Variants in AGBL1 observed in about 807,000 individuals in gnomAD.
AGBL1 encodes AGBL carboxypeptidase 1.
Under a neutral mutation model 118.9 loss-of-function variants are expected in AGBL1, and 130 were observed. The ratio of observed to expected loss-of-function variants is 1.09; its 90% CI spans 0.95 to 1.26. The LOEUF is 1.26. Ranked by LOEUF, AGBL1 falls within the 50% of genes most tolerant of loss-of-function variation. The pLI is 0.00. For missense variants in AGBL1, 1,584 were observed against 1,298.1 expected (o/e 1.22, Z -3.38); for synonymous variants, 555 against 478.9 (o/e 1.16, Z -2.08).
intron 17 of AGBL1, among the ~76,000 whole-genome samples, chr15:86,385,953 C>G (rs1297949588): frequency 1.8e-5 from 1 of 54,938 alleles, no homozygotes; most frequent in East Asian, 1.9e-3. Flanking sequence ...TCTCCTCTCC[C>G]CCTCCCCCAT....
At chr15:86,198,751 T>C (rs2077856919) in intron 5 of AGBL1, among the ~76,000 whole-genome samples, 1 of 152,084 alleles carries the variant, frequency 6.6e-6, no homozygotes, top group African/African-American at 2.4e-5. Context: ...AAGTGCTGTC[T>C]GCAAGCCAAG....
At chr15:86,718,837 G>C (rs1319709395) in intron 22 of AGBL1, among the ~76,000 whole-genome samples, 1 of 152,060 alleles carries the variant, frequency 6.6e-6, no homozygotes, top group Non-Finnish European at 1.5e-5. Context: ...GTCTTTTTGG[G>C]GAACAAGAGA....
At chr15:86,502,344 G>T (rs566030844) in intron 18 of AGBL1, among the ~76,000 whole-genome samples, 1 of 151,486 alleles carries the variant, frequency 6.6e-6, no homozygotes, top group South Asian at 2.1e-4. Context: ...AGATTAATTA[G>T]GATTTTCTGT....
At chr15:86,626,919 C>A (rs2084897239) in intron 21 of AGBL1, among the ~76,000 whole-genome samples, 1 of 150,000 alleles carries the variant, frequency 6.7e-6, no homozygotes, top group African/African-American at 2.4e-5. Flanking sequence ...CTCACTGCAA[C>A]CTCTGCCTCC....
intron 4 of AGBL1, among the ~76,000 whole-genome samples, chr15:86,155,492 A>G (rs1192782068): frequency 2.0e-5 from 3 of 152,162 alleles, no homozygotes; most frequent in African/African-American, 7.2e-5. Flanking sequence ...ATTCATACAG[A>G]TAAAAAGTCA....
At chr15:86,081,328 A>G (rs1294072195) in intron 1 of AGBL1, among the ~76,000 whole-genome samples, 4 of 152,220 alleles carry the variant, frequency 2.6e-5, no homozygotes, top group Admixed American at 2.6e-4. Flanking sequence ...GGCGTGAGCC[A>G]CTGTACCTGG....
chr15:87,027,756 A>G (rs2081747277), intron 24 of AGBL1, among the ~76,000 whole-genome samples: 1 of 152,008 alleles, frequency 6.6e-6, no homozygotes, highest in South Asian at 2.1e-4. Context: ...GTTGGAAGCC[A>G]TTATCCTCAG....
At chr15:86,154,360 C>G (rs2077159069) in intron 3 of AGBL1, 70 bp from the exon 4 acceptor site, 2 of 1,524,712 alleles carry the variant, frequency 1.3e-6, no homozygotes, top group Non-Finnish European at 1.8e-6. Flanking sequence ...TCCCCTTCCT[C>G]CACTGTACTC....
At chr15:86,469,400 G>T (rs747464918) in intron 18 of AGBL1, among the ~76,000 whole-genome samples, 93 of 152,090 alleles carry the variant, frequency 6.1e-4, no homozygotes, top group Non-Finnish European at 1.3e-4. Context: ...ATCCTGAGTT[G>T]GAGGATTTCC....
chr15:87,028,324 C>G (rs970637925), intron 24 of AGBL1, among the ~76,000 whole-genome samples: 2 of 151,882 alleles, frequency 1.3e-5, no homozygotes, highest in African/African-American at 4.8e-5. Context: ...GCTTTTGTAT[C>G]TGTATCAAAA....
intron 22 of AGBL1, among the ~76,000 whole-genome samples, chr15:86,822,955 C>A (rs533516676): frequency 6.6e-6 from 1 of 152,190 alleles, no homozygotes; most frequent in East Asian, 1.9e-4. Flanking sequence ...ATCTTAGAGG[C>A]GTTCCTAATA....
At chr15:86,814,218 C>T (rs1395164471) in intron 22 of AGBL1, among the ~76,000 whole-genome samples, 1 of 152,202 alleles carries the variant, frequency 6.6e-6, no homozygotes, top group Non-Finnish European at 1.5e-5. Context: ...AGCACGAGAC[C>T]TGTTGTGAAT....
intron 22 of AGBL1, among the ~76,000 whole-genome samples, chr15:86,867,389 A>G (rs1246673187): frequency 6.6e-6 from 1 of 152,184 alleles, no homozygotes; most frequent in Non-Finnish European, 1.5e-5. Flanking sequence ...GGTAGGAGAG[A>G]ATAACTTTCT....
chr15:86,694,757 A>G (rs569284676), intron 22 of AGBL1, among the ~76,000 whole-genome samples: 1 of 152,162 alleles, frequency 6.6e-6, no homozygotes, highest in South Asian at 2.1e-4. Context: ...TATTACATTA[A>G]GGTATGTCCC....
intron 5 of AGBL1, among the ~76,000 whole-genome samples, chr15:86,200,144 T>G (rs1044027280): frequency 2.0e-5 from 3 of 152,232 alleles, no homozygotes; most frequent in Admixed American, 6.5e-5. Flanking sequence ...TTTTGGAAGA[T>G]TTGTCAATTT....
chr15:86,843,059 T>A (rs1452460779), intron 22 of AGBL1, among the ~76,000 whole-genome samples: 1 of 152,158 alleles, frequency 6.6e-6, no homozygotes, highest in Non-Finnish European at 1.5e-5. Context: ...TTGGGGGCCG[T>A]CTACCAAGCA....
At chr15:86,853,620 A>G (rs987637522) in intron 22 of AGBL1, among the ~76,000 whole-genome samples, 7 of 152,214 alleles carry the variant, frequency 4.6e-5, no homozygotes, top group African/African-American at 1.7e-4. Flanking sequence ...TTTATTTTTC[A>G]GAGCTGTATT....
Position 86,854,780 on chromosome 15 carries a change from G to A in AGBL1, c.3159-52307G>A, listed in dbSNP as rs574697181. On this transcript the variant is annotated intron_variant, in intron 22 of 22. Coordinates refer to ENST00000614907, the MANE Select transcript of AGBL1 (RefSeq NM_001386094.1). ...CTCTTTCTCCATCTTGCAGTATCTGGGTCTTATCTCCTGTATAGAAATTCT... is the reference window on the plus strand; with the variant it reads ...CTCTTTCTCCATCTTGCAGTATCTGAGTCTTATCTCCTGTATAGAAATTCT... 6.6e-5 allele frequency among the ~76,000 whole-genome samples: 10 copies of A among 152,134 alleles called. 1 individual carries two copies. Among genetic ancestry groups the A allele is most frequent in the African/African-American group, 2.2e-4 (9 of 41,510 alleles).
At chr15:86,087,163 G>A (rs917482441) in intron 1 of AGBL1, among the ~76,000 whole-genome samples, 1 of 152,134 alleles carries the variant, frequency 6.6e-6, no homozygotes, top group Non-Finnish European at 1.5e-5. Flanking sequence ...AAAGTGATTT[G>A]AGATGCCCTG....
Sources: gnomAD v4.1 joint callset for allele counts (sites outside exome capture counted in the v4.1 genomes callset) on GRCh38, gnomAD v4.1.1 for gene constraint, MANE v1.5 for transcripts, NCBI Gene and HGNC (gene_info 2026-07-23, HGNC 2026-07-21) for gene names.